The following DOK5 variants were observed in gnomAD, a reference collection of about 807,000 sequenced individuals.
The protein encoded by DOK5 is docking protein 5, also known as downstream of tyrosine kinase 5.
Under a neutral mutation model 43.3 loss-of-function variants are expected in DOK5, and 27 were observed. The ratio of observed to expected loss-of-function variants is 0.62; its 90% CI spans 0.46 to 0.86. The LOEUF is 0.86. Among genes scored for constraint, DOK5 ranks in the 40% least tolerant of loss-of-function variants. The pLI is 0.00. For missense variants in DOK5, 373 were observed against 392.9 expected (o/e 0.95, Z 0.43); for synonymous variants, 146 against 140.1 (o/e 1.04, Z -0.30).
rs143781854 is a variant in DOK5, at chr20:54,530,265, G to A, written c.67-24668G>A. Among the ~76,000 whole-genome samples, 193 of 152,282 alleles carry A rather than the reference G, an allele frequency of 1.3e-3. 1 individual carries two copies. The highest frequency in any genetic ancestry group is 4.3e-3 in the African/African-American group (180 of 41,574). ...AGTCTCTGTAAGCCTATTCTGGCTT[G>A]AGAGTCTGCCCTATTACTCATTATT... On this transcript the variant is annotated intron_variant, in intron 1 of 7. Transcript: ENST00000262593.
At position 54,648,622 on chromosome 20, in the gene DOK5, A is replaced by T. The variant is rs1203184695; in HGVS notation, c.857-1793A>T. Among the ~76,000 whole-genome samples the T allele has an allele frequency of 2.6e-5, 4 of 152,168 alleles. No homozygotes were observed. The East Asian group carries it at 7.7e-4, about 29-fold the overall frequency. On this transcript the variant is annotated intron_variant, in intron 7 of 7. Transcript: ENST00000262593. ...TGCGGGCATTCAAAGATCAGGAAGG[A>T]GCCAGTGTGGCTGGTGCCTAAGGGA...
At chr20:54,546,446 C>T (rs958122008) in intron 1 of DOK5, among the ~76,000 whole-genome samples, 8 of 152,004 alleles carry the variant, frequency 5.3e-5, no homozygotes, top group Non-Finnish European at 8.8e-5. Flanking sequence ...ATGTGCACAA[C>T]GTGCAGATTT....
At chr20:54,545,960 A>G (rs1437523959) in intron 1 of DOK5, among the ~76,000 whole-genome samples, 2 of 152,214 alleles carry the variant, frequency 1.3e-5, no homozygotes, top group Non-Finnish European at 2.9e-5. Flanking sequence ...ATGAAAATAA[A>G]CTTCTTACAG....
intron 7 of DOK5, among the ~76,000 whole-genome samples, chr20:54,645,250 C>T (rs909967883): frequency 4.3e-5 from 6 of 139,586 alleles, no homozygotes; most frequent in African/African-American, 1.6e-4. Context: ...CCTCCATGCT[C>T]GCTCTGAACC....
At chr20:54,615,243 C>T (rs921744866) in intron 6 of DOK5, among the ~76,000 whole-genome samples, 1 of 152,110 alleles carries the variant, frequency 6.6e-6, no homozygotes, top group African/African-American at 2.4e-5. Context: ...AAAGAAGGGG[C>T]CTGTGGGTCC....
intron 1 of DOK5, among the ~76,000 whole-genome samples, chr20:54,531,056 A>T (rs1409087250): frequency 6.6e-6 from 1 of 152,182 alleles, no homozygotes; most frequent in African/African-American, 2.4e-5. Flanking sequence ...TATAAAGAAT[A>T]GTTGTGACTT....
intron 6 of DOK5, among the ~76,000 whole-genome samples, chr20:54,640,635 C>T (rs1569985): frequency 0.73 from 110,691 of 152,180 alleles, 40,631 homozygotes; most frequent in East Asian, 1. Context: ...CAAAACGCGG[C>T]GTTGCTGTCA....
At chr20:54,478,869 G>T (rs6023273) in intron 1 of DOK5, among the ~76,000 whole-genome samples, 1 of 151,944 alleles carries the variant, frequency 6.6e-6, no homozygotes, top group African/African-American at 2.4e-5. Flanking sequence ...ATTGGTAGAC[G>T]GATATAGGAA....
intron 1 of DOK5, among the ~76,000 whole-genome samples, chr20:54,501,141 G>A (rs368023295): frequency 8.7e-4 from 133 of 152,104 alleles, no homozygotes; most frequent in African/African-American, 2.9e-3. Context: ...TATGGGCTAC[G>A]ATTTACATTA....
intron 1 of DOK5, among the ~76,000 whole-genome samples, chr20:54,518,316 T>C (rs1983272460): frequency 6.7e-6 from 1 of 149,226 alleles, no homozygotes; most frequent in Non-Finnish European, 1.5e-5. Context: ...GATGTTCCCC[T>C]TCCTGTGTCC....
rs147220153 is a variant in DOK5 at position 54,512,340 on chromosome 20, T to C, written c.66+36328T>C. On this transcript the variant is annotated intron_variant, in intron 1 of 7. Coordinates refer to ENST00000262593, the MANE Select transcript of DOK5 (RefSeq NM_018431.5). ...TCTGCTGGTCCCATAAATATTGCAA[T>C]ACATTGTTTATACTCAGACCATCAT... 5.5e-3 allele frequency among the ~76,000 whole-genome samples: 834 copies of C among 152,350 alleles called. 2 individuals carry two copies. Among genetic ancestry groups the C allele is most frequent in the Middle Eastern group, 0.02 (6 of 294 alleles).
At chr20:54,549,869 T>A (rs1984465965) in intron 1 of DOK5, among the ~76,000 whole-genome samples, 1 of 152,304 alleles carries the variant, frequency 6.6e-6, no homozygotes. Flanking sequence ...TTGCCAATAG[T>A]AGAATGACAG....
chr20:54,564,476 A>G (rs900998293), intron 2 of DOK5, among the ~76,000 whole-genome samples: 11 of 152,202 alleles, frequency 7.2e-5, no homozygotes, highest in Non-Finnish European at 1.6e-4. Context: ...CCAAAATATT[A>G]TTTTGGTCAA....
At chr20:54,561,473 T>C (rs1296858772) in intron 2 of DOK5, among the ~76,000 whole-genome samples, 2 of 152,172 alleles carry the variant, frequency 1.3e-5, no homozygotes, top group African/African-American at 4.8e-5. Context: ...GCGTCAGCCA[T>C]CTTGGCCCAT....
At chr20:54,562,252 A>T (rs1984933689) in intron 2 of DOK5, among the ~76,000 whole-genome samples, 1 of 152,106 alleles carries the variant, frequency 6.6e-6, no homozygotes, top group Non-Finnish European at 1.5e-5. Context: ...GCCTACTTAT[A>T]CTAGTATTGC....
intron 7 of DOK5, 91 bp from the exon 8 acceptor site, chr20:54,650,324 T>A: frequency 7.7e-7 from 1 of 1,294,782 alleles, no homozygotes; most frequent in Non-Finnish European, 1.1e-6. Context: ...TACATTTACT[T>A]ATTTCTGTTA....
chr20:54,533,026 A>T (rs1192818530), intron 1 of DOK5, among the ~76,000 whole-genome samples: 1 of 152,236 alleles, frequency 6.6e-6, no homozygotes, highest in Non-Finnish European at 1.5e-5. Context: ...ACATTGCCTC[A>T]TCCAGTAGAC....
At chr20:54,609,054 A>G (rs1162222117) in intron 5 of DOK5, among the ~76,000 whole-genome samples, 3 of 152,162 alleles carry the variant, frequency 2.0e-5, no homozygotes, top group Non-Finnish European at 2.9e-5. Context: ...TTGGCCCACT[A>G]CTTAGGCCAT....
At chr20:54,521,170 C>T (rs1010587320) in intron 1 of DOK5, among the ~76,000 whole-genome samples, 3 of 152,112 alleles carry the variant, frequency 2.0e-5, no homozygotes, top group South Asian at 2.1e-4. Flanking sequence ...TGTCACTTTT[C>T]ACCAGCTGTG....
Sources: allele counts gnomAD v4.1 joint callset (sites outside exome capture counted in the v4.1 genomes callset), GRCh38; gene constraint gnomAD v4.1.1; transcripts MANE v1.5; gene names NCBI Gene and HGNC (gene_info 2026-07-23, HGNC 2026-07-21).